SENP7: variants seen among roughly 807,000 people sequenced by gnomAD.
SENP7 encodes sentrin-specific protease 7.
SENP7 carries 64 observed loss-of-function variants against 141.2 expected under a neutral mutation model. That is an observed-to-expected ratio of 0.45 (90% confidence interval 0.37 to 0.56). The LOEUF is 0.56. SENP7 is among the 20% of genes least tolerant of loss of function. The probability of loss-of-function intolerance (pLI) is 0.00; values close to 1 mark genes in which losing one functional copy is unlikely to be tolerated. For synonymous variants in SENP7, 382 were observed against 426.4 expected, an observed-to-expected ratio of 0.90 and a Z score of 1.28; for missense variants, 1,025 against 1,212.2, an observed-to-expected ratio of 0.85 and a Z score of 2.29.
At chr3:101,410,280 G>C (rs2061417175) in intron 5 of SENP7, among the ~76,000 whole-genome samples, 1 of 152,028 alleles carries the variant, frequency 6.6e-6, no homozygotes, top group Admixed American at 6.6e-5. Context: ...AAAAATAGTA[G>C]ATGTTGGCAT....
intron 3 of SENP7, among the ~76,000 whole-genome samples, chr3:101,492,488 A>G (rs186170761): frequency 5.3e-5 from 8 of 152,356 alleles, no homozygotes; most frequent in Admixed American, 5.2e-4. Context: ...TATGGACTGA[A>G]TTGTATTCCC....
intron 14 of SENP7, among the ~76,000 whole-genome samples, chr3:101,343,356 T>C (rs1324883550): frequency 6.6e-6 from 1 of 152,220 alleles, no homozygotes; most frequent in African/African-American, 2.4e-5. Context: ...TGTGGTTTTG[T>C]ATTTCTCTTA....
rs994603434 is a variant in SENP7, at chr3:101,414,217, C to T, written c.482+3376G>A. On this transcript the variant is annotated intron_variant, in intron 5 of 23. Coordinates refer to ENST00000394095, the MANE Select transcript of SENP7 (RefSeq NM_020654.5). ...CGCACAGCATGGGGCAGTGTGGGGT[C>T]ACCATAACAGCTACAGCAGCTGCAG... 4 of 564,414 alleles carry T rather than the reference C, an allele frequency of 7.1e-6. No homozygotes were observed. In the Admixed American group the frequency reaches 1.3e-4, roughly 18 times the overall value. The allele number at this position is 564,414 out of a possible 1,614,324, so 35.0% of individuals were successfully genotyped here. A position where few individuals can be genotyped will look rare whatever the true frequency, so the allele number is the denominator to read the frequency against.
At chr3:101,499,262 A>T (rs1164038278) in intron 2 of SENP7, among the ~76,000 whole-genome samples, 1 of 152,224 alleles carries the variant, frequency 6.6e-6, no homozygotes, top group East Asian at 1.9e-4. Context: ...AATAGTCTAA[A>T]GCACGATATT....
At chr3:101,363,055 C>T (rs952982297) in intron 10 of SENP7, 27 of 409,536 alleles carry the variant, frequency 6.6e-5, no homozygotes, top group Admixed American at 6.4e-5. Flanking sequence ...TCTTACCTCT[C>T]GCAAATGTGA....
chr3:101,471,381 G>A (rs2063987562), intron 3 of SENP7, among the ~76,000 whole-genome samples: 2 of 152,110 alleles, frequency 1.3e-5, no homozygotes, highest in South Asian at 4.1e-4. Context: ...TGACAAACAT[G>A]ACAAAAACAA....
intron 6 of SENP7, among the ~76,000 whole-genome samples, chr3:101,391,740 A>C (rs1046048737): frequency 5.3e-5 from 8 of 152,204 alleles, no homozygotes; most frequent in Non-Finnish European, 2.9e-5. Flanking sequence ...TCATTCTACA[A>C]GGCCAGCACT....
At chr3:101,374,040 C>A (rs886615468) in intron 6 of SENP7, among the ~76,000 whole-genome samples, 2 of 151,972 alleles carry the variant, frequency 1.3e-5, no homozygotes, top group Non-Finnish European at 2.9e-5. Flanking sequence ...TTTTAAATAG[C>A]CAAGCAAATA....
intron 1 of SENP7, 50 bp downstream of exon 1, chr3:101,513,041 T>TC (rs768219838): frequency 1.2e-6 from 2 of 1,600,876 alleles, no homozygotes; most frequent in Admixed American, 3.3e-5. Context: ...GCCTCCCGTT[T>TC]CCCCCGGGTA....
At chr3:101,444,909 TAAATA>T (rs986281382) in intron 4 of SENP7, among the ~76,000 whole-genome samples, 2 of 150,796 alleles carry the variant, frequency 1.3e-5, no homozygotes, top group African/African-American at 4.9e-5. Context: ...AATAAATGAA[TAAATA>T]AATAAAAATA....
intron 4 of SENP7, among the ~76,000 whole-genome samples, chr3:101,427,461 G>C (rs2061999855): frequency 6.8e-6 from 1 of 147,050 alleles, no homozygotes; most frequent in African/African-American, 2.5e-5. Flanking sequence ...CTGAACTCCA[G>C]GTTGGGTGAC....
Position 101,370,943 on chromosome 3 carries a change from C to A in SENP7, c.796+1065G>T, listed in dbSNP as rs879424321. Among the ~76,000 whole-genome samples, 6 of 152,132 alleles carry A rather than the reference C, an allele frequency of 3.9e-5. No homozygotes were observed. In the East Asian group the frequency reaches 7.7e-4, roughly 20 times the overall value. On this transcript the variant is annotated intron_variant, in intron 7 of 23. Transcript: ENST00000394095. ...AAATGAAGTGTAATGAATTTTTGCA[C>A]AGCATCATCAAAAGATTTTTTTGTA...
At chr3:101,412,806 A>C (rs1280738520) in intron 5 of SENP7, among the ~76,000 whole-genome samples, 2 of 152,122 alleles carry the variant, frequency 1.3e-5, no homozygotes, top group Non-Finnish European at 2.9e-5. Flanking sequence ...TCCCAGGAAA[A>C]TAGATATGAA....
intron 1 of SENP7, among the ~76,000 whole-genome samples, chr3:101,504,440 CG>C (rs34192494): frequency 0.4 from 59,590 of 149,458 alleles, 12,315 homozygotes; most frequent in Admixed American, 0.54. Flanking sequence ...TCCTAGGCAA[CG>C]AGGGCAAAAT....
At chr3:101,345,434 T>C (rs1387120096) in intron 13 of SENP7, among the ~76,000 whole-genome samples, 1 of 152,014 alleles carries the variant, frequency 6.6e-6, no homozygotes, top group African/African-American at 2.4e-5. Context: ...ATATTCCTCC[T>C]TGGCTAGCTA....
At chr3:101,344,327 T>A (rs1209553529) in intron 13 of SENP7, among the ~76,000 whole-genome samples, 1 of 152,226 alleles carries the variant, frequency 6.6e-6, no homozygotes, top group African/African-American at 2.4e-5. Context: ...ATTAAACACC[T>A]CCTACATTTT....
intron 3 of SENP7, among the ~76,000 whole-genome samples, chr3:101,475,580 A>G (rs1158625186): frequency 6.6e-6 from 1 of 152,056 alleles, no homozygotes; most frequent in Non-Finnish European, 1.5e-5. Context: ...CAGGAAGAAC[A>G]GCTAATGGAT....
intron 5 of SENP7, among the ~76,000 whole-genome samples, chr3:101,403,268 G>A (rs1263432945): frequency 6.6e-6 from 1 of 152,108 alleles, no homozygotes; most frequent in Non-Finnish European, 1.5e-5. Context: ...ATGGCACTAT[G>A]ACTAAAACAA....
intron 4 of SENP7, among the ~76,000 whole-genome samples, chr3:101,432,095 C>T (rs1405644243): frequency 6.6e-6 from 1 of 152,070 alleles, no homozygotes; most frequent in Non-Finnish European, 1.5e-5. Context: ...AGGCAGCATT[C>T]ACAACAAGCC....
Sources: gnomAD v4.1 joint callset for allele counts (sites outside exome capture counted in the v4.1 genomes callset) on GRCh38, gnomAD v4.1.1 for gene constraint, MANE v1.5 for transcripts, NCBI Gene and HGNC (gene_info 2026-07-23, HGNC 2026-07-21) for gene names.